The following LRRTM4 variants were observed in gnomAD, a reference collection of about 807,000 sequenced individuals.
LRRTM4 encodes leucine-rich repeat transmembrane neuronal protein 4.
In LRRTM4, 25 loss-of-function variants were observed where a neutral mutation model predicts 47.6. The ratio of observed to expected loss-of-function variants is 0.53; its 90% CI spans 0.38 to 0.73. The LOEUF is 0.73. Among genes scored for constraint, LRRTM4 ranks in the 30% least tolerant of loss-of-function variants. LRRTM4 has a pLI of 0.00. For synonymous variants in LRRTM4, 311 were observed against 269.5 expected (o/e 1.15, Z -1.51); for missense variants, 638 against 713.4 (o/e 0.89, Z 1.20).
chr2:76,983,286 A>T (rs1676676589), intron 3 of LRRTM4, among the ~76,000 whole-genome samples: 1 of 152,056 alleles, frequency 6.6e-6, no homozygotes, highest in Non-Finnish European at 1.5e-5. Flanking sequence ...TAAGTCACAC[A>T]TTATTAAACA....
intron 3 of LRRTM4, among the ~76,000 whole-genome samples, chr2:76,913,904 A>T (rs1674156864): frequency 2.6e-5 from 4 of 152,116 alleles, no homozygotes; most frequent in Admixed American, 2.6e-4. Flanking sequence ...TCATAGTGAT[A>T]GGAAACTTCC....
At chr2:76,801,331 G>A (rs1675667853) in intron 3 of LRRTM4, among the ~76,000 whole-genome samples, 1 of 152,032 alleles carries the variant, frequency 6.6e-6, no homozygotes. Context: ...ATACTATGCA[G>A]CCATAAAAAA....
At chr2:77,421,605 G>C (rs1674890050) in intron 3 of LRRTM4, among the ~76,000 whole-genome samples, 2 of 152,256 alleles carry the variant, frequency 1.3e-5, no homozygotes, top group African/African-American at 4.8e-5. Context: ...TACTCGGGAG[G>C]CTGAAGCAGG....
At chr2:76,809,732 C>T (rs1558669167) in intron 3 of LRRTM4, among the ~76,000 whole-genome samples, 1 of 152,166 alleles carries the variant, frequency 6.6e-6, no homozygotes, top group African/African-American at 2.4e-5. Flanking sequence ...AGAACCTGGA[C>T]GAGTGGCCTT....
At chr2:77,239,012 T>TA (rs1290854887) in intron 3 of LRRTM4, among the ~76,000 whole-genome samples, 4 of 151,464 alleles carry the variant, frequency 2.6e-5, no homozygotes, top group Non-Finnish European at 5.9e-5. Flanking sequence ...TTTTTTTAAA[T>TA]AAAAAAATTT....
chr2:76,825,913 A>G (rs72921609), intron 3 of LRRTM4, among the ~76,000 whole-genome samples: 5,592 of 151,778 alleles, frequency 0.037, 314 homozygotes, highest in African/African-American at 0.12. Flanking sequence ...AAGAGCAGAA[A>G]TTATTTTACA....
chr2:76,790,613 A>G (rs1185511941), intron 3 of LRRTM4, among the ~76,000 whole-genome samples: 1 of 152,196 alleles, frequency 6.6e-6, no homozygotes, highest in East Asian at 1.9e-4. Context: ...TATTAATAAA[A>G]TAATTCCCAT....
chr2:77,097,931 T>G (rs996824880), intron 3 of LRRTM4, among the ~76,000 whole-genome samples: 2 of 151,890 alleles, frequency 1.3e-5, no homozygotes, highest in African/African-American at 4.8e-5. Flanking sequence ...GGAGAGAGTA[T>G]TTATGATTAT....
chr2:77,357,150 C>A (rs1235586766), intron 3 of LRRTM4, among the ~76,000 whole-genome samples: 10 of 152,100 alleles, frequency 6.6e-5, no homozygotes, highest in Non-Finnish European at 1.3e-4. Flanking sequence ...ACTTATATTC[C>A]TGTTTTCTAA....
intron 3 of LRRTM4, among the ~76,000 whole-genome samples, chr2:76,899,520 A>C (rs1486384460): frequency 6.6e-6 from 1 of 152,154 alleles, no homozygotes; most frequent in African/African-American, 2.4e-5. Context: ...AACCCTGCAG[A>C]TGCCTGGGAG....
chr2:76,898,415 T>C (rs182652719), intron 3 of LRRTM4, among the ~76,000 whole-genome samples: 50 of 152,038 alleles, frequency 3.3e-4, no homozygotes, highest in African/African-American at 1.1e-3. Context: ...AAAGGAGTAA[T>C]CTCGAAACAT....
chr2:76,914,495 T>C (rs1475880890), intron 3 of LRRTM4, among the ~76,000 whole-genome samples: 1 of 152,114 alleles, frequency 6.6e-6, no homozygotes, highest in Non-Finnish European at 1.5e-5. Context: ...GCATATTTTG[T>C]TTATGTAATA....
At chr2:76,869,763 C>A (rs1672571023) in intron 3 of LRRTM4, among the ~76,000 whole-genome samples, 1 of 151,702 alleles carries the variant, frequency 6.6e-6, no homozygotes, top group African/African-American at 2.4e-5. Context: ...TTTAAGGGAA[C>A]TTTAAAGAAA....
At chr2:77,483,358 A>G (rs899832958) in intron 3 of LRRTM4, among the ~76,000 whole-genome samples, 2 of 151,938 alleles carry the variant, frequency 1.3e-5, no homozygotes, top group Non-Finnish European at 2.9e-5. Context: ...TTAGTGGTGG[A>G]GGGGGACAGT....
At chr2:76,920,988 T>A (rs1424675259) in intron 3 of LRRTM4, among the ~76,000 whole-genome samples, 2 of 152,062 alleles carry the variant, frequency 1.3e-5, no homozygotes, top group Non-Finnish European at 1.5e-5. Flanking sequence ...CCCATTTTTA[T>A]TATCTTTCAT....
At chr2:77,470,493 T>G (rs1408438467) in intron 3 of LRRTM4, among the ~76,000 whole-genome samples, 1 of 152,182 alleles carries the variant, frequency 6.6e-6, no homozygotes, top group Non-Finnish European at 1.5e-5. Context: ...GGCATTCATT[T>G]GGTACAATGA....
rs1207710456 is a variant in LRRTM4 at position 77,041,357 on chromosome 2, G to T, written c.1552-292441C>A. Among the ~76,000 whole-genome samples, 4 of 151,454 alleles carry T rather than the reference G, an allele frequency of 2.6e-5. No individual in the cohort carries two copies. The Admixed American group carries it at 2.6e-4, about 10-fold the overall frequency. ...AGACACTTAGGTTGATTTCATAAGT[G>T]AATAGTGTTGCAATAGACATGGGAG... On this transcript the variant is annotated intron_variant, in intron 3 of 3. Transcript: ENST00000409884.
At chr2:76,895,295 C>T (rs1673376095) in intron 3 of LRRTM4, among the ~76,000 whole-genome samples, 1 of 151,978 alleles carries the variant, frequency 6.6e-6, no homozygotes, top group Non-Finnish European at 1.5e-5. Context: ...CCTCTAAGTT[C>T]TTTACTAGTG....
chr2:76,961,177 T>TAA lies in LRRTM4; in HGVS notation c.1552-212263_1552-212262dup, dbSNP rs568166334. ...AGGCTTTCCTAACTATCTAACGTTG[T>TAA]AAAAAGTGCTGTTTATCATGTTTAT... On this transcript the variant is annotated intron_variant, in intron 3 of 3. Coordinates refer to ENST00000409884, the MANE Select transcript of LRRTM4 (RefSeq NM_001134745.3). Among the ~76,000 whole-genome samples, 1,304 of 151,578 alleles carry TAA rather than the reference T, an allele frequency of 8.6e-3. 25 individuals are homozygous for TAA. The highest frequency in any genetic ancestry group is 0.029 in the African/African-American group (1,204 of 41,464).
Sources: allele counts gnomAD v4.1 joint callset (sites outside exome capture counted in the v4.1 genomes callset), GRCh38; gene constraint gnomAD v4.1.1; transcripts MANE v1.5; gene names NCBI Gene and HGNC (gene_info 2026-07-23, HGNC 2026-07-21).